CALB1: variants seen among roughly 807,000 people sequenced by gnomAD.
CALB1 encodes calbindin.
In CALB1, 16 loss-of-function variants were observed where a neutral mutation model predicts 46.7. The observed-to-expected ratio is 0.34, with a 90% CI of 0.23 to 0.52. CALB1 has a LOEUF of 0.52. Ranked by LOEUF, CALB1 falls within the 20% of genes least tolerant of loss-of-function variation. CALB1 has a pLI of 0.95. For synonymous variants in CALB1, 90 were observed against 112.8 expected (o/e 0.80, Z 1.28); for missense variants, 224 against 300.3 (o/e 0.75, Z 1.88).
intron 3 of CALB1, among the ~76,000 whole-genome samples, chr8:90,076,372 A>G (rs1051605378): frequency 3.9e-5 from 6 of 151,982 alleles, no homozygotes; most frequent in Non-Finnish European, 7.4e-5. Flanking sequence ...CTGTTCTACC[A>G]TTTATTTCTT....
At chr8:90,072,626 G>A (rs192777279) in intron 3 of CALB1, among the ~76,000 whole-genome samples, 1 of 152,062 alleles carries the variant, frequency 6.6e-6, no homozygotes, top group African/African-American at 2.4e-5. Context: ...CTCTCAATGC[G>A]TATGAATCAA....
At chr8:90,072,767 AC>A (rs950896047) in intron 3 of CALB1, among the ~76,000 whole-genome samples, 1 of 152,210 alleles carries the variant, frequency 6.6e-6, no homozygotes, top group Non-Finnish European at 1.5e-5. Context: ...ATGCTAAGTC[AC>A]TGCTGTTTAT....
Position 90,069,070 on chromosome 8 carries a change from G to C in CALB1, c.316-16C>G, listed in dbSNP as rs200835183. On this transcript the variant is annotated splice_polypyrimidine_tract_variant and intron_variant, in intron 4 of 10. Coordinates refer to ENST00000265431, the MANE Select transcript of CALB1 (RefSeq NM_004929.4). ...TTCTCCATGTCTGTAAGTAATTTTGGATAAGGAAAACAAACACATTTTTAA... is the reference window on the plus strand; with the variant it reads ...TTCTCCATGTCTGTAAGTAATTTTGCATAAGGAAAACAAACACATTTTTAA... 1 of 1,612,414 alleles carries C rather than the reference G, an allele frequency of 6.2e-7. No homozygotes were observed. Among genetic ancestry groups the C allele is most frequent in the Non-Finnish European group, 8.5e-7 (1 of 1,178,858 alleles).
rs149733474 is a variant in CALB1, at chr8:90,069,178, C to G, written c.291G>C (p.Leu97=). 1.1e-4 allele frequency: 171 copies of G among 1,614,074 alleles called. No homozygotes were observed. The African/African-American group carries it at 2.0e-3, about 19-fold the overall frequency. Residue 97 remains leucine, a synonymous_variant, in exon 4 of 11, where the codon CTG becomes CTC. Transcript: ENST00000265431. The part of the protein sequence containing the change: ...NFLLLFRCQQ[L]KSCEEFMKTW... Reference sequence around the variant, plus strand: ...CCTTCATGAATTCCTCACAGGACTTCAGCTGCTGGCATCGGAAGAGCAGCA... The same window carrying G: ...CCTTCATGAATTCCTCACAGGACTTGAGCTGCTGGCATCGGAAGAGCAGCA...
chr8:90,082,217 C>A lies in CALB1; in HGVS notation c.80-115G>T. The stretch of plus-strand genomic sequence containing the variant: ...CCCGAGAGGCTCTCTCTTGCCTGGA[C>A]GTTGATTAACCAGCAAAGTGTACAG... On this transcript the variant is annotated intron_variant, in intron 1 of 10. Coordinates refer to ENST00000265431, the MANE Select transcript of CALB1 (RefSeq NM_004929.4). The A allele has an allele frequency of 4.6e-6, 4 of 872,292 alleles. No individual in the cohort carries two copies. In the Middle Eastern group the frequency reaches 6.8e-4, roughly 148 times the overall value. 54.0% of individuals were successfully genotyped at this position (872,292 alleles called of 1,614,324 possible). A position where few individuals can be genotyped will look rare whatever the true frequency, so the allele number is the denominator to read the frequency against.
At chr8:90,062,348 C>T (rs1431016361) in intron 9 of CALB1, 1 of 151,828 alleles carries the variant, frequency 6.6e-6, no homozygotes, top group Non-Finnish European at 1.5e-5. Flanking sequence ...AGCGAGACTA[C>T]ATCAAACTAA....
At chr8:90,071,496 C>T (rs1184799274) in intron 3 of CALB1, among the ~76,000 whole-genome samples, 2 of 152,078 alleles carry the variant, frequency 1.3e-5, no homozygotes, top group Non-Finnish European at 2.9e-5. Context: ...CCCCTCCAGT[C>T]TTGTTGAGCC....
intron 8 of CALB1, 21 bp from the exon 9 acceptor site, chr8:90,063,174 A>C: frequency 1.3e-6 from 2 of 1,562,284 alleles, no homozygotes; most frequent in Non-Finnish European, 1.8e-6. Flanking sequence ...AGAAGAGAGT[A>C]AATGTTAAAA....
intron 2 of CALB1, 31 bp downstream of exon 2, chr8:90,081,995 C>G (rs377111098): frequency 2.6e-5 from 41 of 1,582,792 alleles, no homozygotes; most frequent in Non-Finnish European, 3.5e-5. Flanking sequence ...GGTTAAAAGT[C>G]TTTTTTTCTT....
rs1255274930 is a variant in CALB1, at chr8:90,069,071, A to T, written c.316-17T>A. On this transcript the variant is annotated splice_polypyrimidine_tract_variant and intron_variant, in intron 4 of 10. Coordinates refer to ENST00000265431, the MANE Select transcript of CALB1 (RefSeq NM_004929.4). ...TCTCCATGTCTGTAAGTAATTTTGG[A>T]TAAGGAAAACAAACACATTTTTAAT... The T allele has an allele frequency of 6.2e-7, 1 of 1,612,896 alleles. No individual in the cohort carries two copies.
chr8:90,068,653 T>G (rs955500769), intron 5 of CALB1, among the ~76,000 whole-genome samples: 2 of 152,162 alleles, frequency 1.3e-5, no homozygotes, highest in Non-Finnish European at 2.9e-5. Flanking sequence ...CTTTCTTTTG[T>G]AAGAAAATTT....
intron 3 of CALB1, among the ~76,000 whole-genome samples, chr8:90,077,558 A>G (rs1814643531): frequency 1.3e-5 from 2 of 152,026 alleles, no homozygotes; most frequent in African/African-American, 4.8e-5. Flanking sequence ...ACTTCCACCC[A>G]ATTTCTCTAA....
rs533369266 is a variant in CALB1 at position 90,065,113 on chromosome 8, A to G, written c.450+785T>C. On this transcript the variant is annotated intron_variant, in intron 6 of 10. Transcript: ENST00000265431. The stretch of plus-strand genomic sequence containing the variant: ...CTTCACAGTACTGAAAGCTGTATAA[A>G]TATATCTATCTCCTGGTAATCCTAA... Among the ~76,000 whole-genome samples, 10 of 151,944 alleles carry G rather than the reference A, an allele frequency of 6.6e-5. No homozygotes were observed. The East Asian group carries it at 1.9e-3, about 29-fold the overall frequency.
rs1291505837 is a variant in CALB1 at position 90,082,605 on chromosome 8, G to C, written c.79+14C>G. 7 of 1,609,834 alleles carry C rather than the reference G, an allele frequency of 4.3e-6. No homozygotes were observed. In the African/African-American group the frequency reaches 6.7e-5, roughly 15 times the overall value. ...AAACGGGTCTTGAAACAGTTAAAAAGAGAAGATAATCACCGTCAGCGTCGA... is the reference window on the plus strand; with the variant it reads ...AAACGGGTCTTGAAACAGTTAAAAACAGAAGATAATCACCGTCAGCGTCGA... On this transcript the variant is annotated intron_variant, in intron 1 of 10. Coordinates refer to ENST00000265431, the MANE Select transcript of CALB1 (RefSeq NM_004929.4).
At chr8:90,061,055 G>A (rs1814288503) in intron 9 of CALB1, 1 of 211,776 alleles carries the variant, frequency 4.7e-6, no homozygotes, top group Non-Finnish European at 9.4e-6. Flanking sequence ...TTCTGCTAGA[G>A]CTCACAGGTC....
At chr8:90,075,942 T>C (rs1814616279) in intron 3 of CALB1, among the ~76,000 whole-genome samples, 1 of 152,032 alleles carries the variant, frequency 6.6e-6, no homozygotes, top group Admixed American at 6.6e-5. Flanking sequence ...AATTTGTCAC[T>C]CCCTGCAAAT....
Position 90,064,781 on chromosome 8 carries a change from T to C in CALB1, c.450+1117A>G, listed in dbSNP as rs146484062. Among the ~76,000 whole-genome samples the C allele has an allele frequency of 4.9e-3, 751 of 151,922 alleles. 8 individuals carry two copies. The highest frequency in any genetic ancestry group is 0.016 in the African/African-American group (684 of 41,546). On this transcript the variant is annotated intron_variant, in intron 6 of 10. Transcript: ENST00000265431. The stretch of plus-strand genomic sequence containing the variant: ...TGTAATGAGGAATTAAAGATGACCA[T>C]GAAAACCTTTTTGGTTGTTTTGAAA...
chr8:90,081,902 G>T (rs878858000), intron 2 of CALB1, 124 bp downstream of exon 2: 23 of 628,452 alleles, frequency 3.7e-5, no homozygotes, highest in South Asian at 1.1e-4. Context: ...CTTGCCTTTC[G>T]CAGTCAATAA....
chr8:90,081,880 A>G (rs2130256303), intron 2 of CALB1, 146 bp downstream of exon 2: 1 of 652,066 alleles, frequency 1.5e-6, no homozygotes, highest in East Asian at 2.7e-5. Flanking sequence ...TCGAGTTGGA[A>G]AAGTGTTTTT....
Sources: gnomAD v4.1 joint callset for allele counts (sites outside exome capture counted in the v4.1 genomes callset) on GRCh38, gnomAD v4.1.1 for gene constraint, MANE v1.5 for transcripts, NCBI Gene and HGNC (gene_info 2026-07-23, HGNC 2026-07-21) for gene names.